Variants in GAREM1 observed in about 807,000 individuals in gnomAD.
GAREM1 encodes GRB2-associated and regulator of MAPK protein 1.
GAREM1 carries 26 observed loss-of-function variants against 71.3 expected under a neutral mutation model. The ratio of observed to expected loss-of-function variants is 0.36; its 90% confidence interval spans 0.27 to 0.51. GAREM1 has a LOEUF of 0.51. Ranked by LOEUF, GAREM1 falls within the 20% of genes least tolerant of loss-of-function variation. The pLI, the probability that GAREM1 is intolerant of heterozygous loss-of-function variation, is 0.95. For synonymous variants in GAREM1, 440 were observed against 433.2 expected (o/e 1.02, Z -0.20); for missense variants, 1,026 against 1,103.1 (o/e 0.93, Z 0.99).
intron 1 of GAREM1, among the ~76,000 whole-genome samples, chr18:32,427,091 CGTT>C (rs1212023914): frequency 6.6e-6 from 1 of 152,056 alleles, no homozygotes. Flanking sequence ...GTTTTACTCT[CGTT>C]GTCCCAACTT....
chr18:32,392,971 G>C lies in GAREM1; in HGVS notation c.186C>G (p.Thr62=). The C allele has an allele frequency of 1.2e-6, 2 of 1,613,768 alleles. No homozygotes were observed. The highest frequency in any genetic ancestry group is 1.7e-6 in the Non-Finnish European group (2 of 1,179,816). Residue 62 remains threonine (T), a synonymous_variant, in exon 2 of 6, where the codon ACC becomes ACG. Coordinates refer to ENST00000269209, the MANE Select transcript of GAREM1 (RefSeq NM_001242409.2). ...CCTCCAAGCTGTGGGCAGTGATGGT[G>C]GTCCACTGGCGGCAGGAATGAATCA... ...YLLIHSCRQW[T]TITAHSLEEG...
In GAREM1 at chr18:32,409,879, A is replaced by G. The variant is rs564496436; in HGVS notation, c.122-16844T>C. Among the ~76,000 whole-genome samples, 6 of 152,300 alleles carry G rather than the reference A, an allele frequency of 3.9e-5. No homozygotes were observed. The East Asian group carries it at 1.2e-3, about 29-fold the overall frequency. On this transcript the variant is annotated intron_variant, in intron 1 of 5. Coordinates refer to ENST00000269209, the MANE Select transcript of GAREM1 (RefSeq NM_001242409.2). ...TCCAACAAAAGGCCTGACATATACC[A>G]TGGAATATTTCAGGCAGGCAGGTGA...
chr18:32,411,780 T>C (rs1450190360), intron 1 of GAREM1, among the ~76,000 whole-genome samples: 2 of 151,936 alleles, frequency 1.3e-5, no homozygotes, highest in Admixed American at 6.6e-5. Flanking sequence ...AAATTCCAAA[T>C]AGAACCTGGC....
intron 2 of GAREM1, among the ~76,000 whole-genome samples, chr18:32,369,487 G>A (rs538279414): frequency 1.3e-5 from 2 of 152,228 alleles, no homozygotes; most frequent in Admixed American, 1.3e-4. Flanking sequence ...GGAGATGGGT[G>A]GAGGGAGGGA....
chr18:32,360,660 T>C (rs1158533827), intron 2 of GAREM1, among the ~76,000 whole-genome samples: 2 of 152,164 alleles, frequency 1.3e-5, no homozygotes, highest in African/African-American at 4.8e-5. Flanking sequence ...TTTGGGGGTT[T>C]TGACTTTCAC....
intron 3 of GAREM1, among the ~76,000 whole-genome samples, chr18:32,304,806 G>C (rs1017688064): frequency 1.3e-5 from 2 of 152,188 alleles, no homozygotes; most frequent in African/African-American, 4.8e-5. Context: ...CCTGAGTTCA[G>C]AGCCTGAGCC....
intron 1 of GAREM1, among the ~76,000 whole-genome samples, chr18:32,430,238 ACT>A (rs2048610914): frequency 6.6e-6 from 1 of 152,092 alleles, no homozygotes; most frequent in Non-Finnish European, 1.5e-5. Context: ...CCTTTAGAAC[ACT>A]CTCTTACCAA....
chr18:32,283,876 C>T (rs2046980660), intron 4 of GAREM1, among the ~76,000 whole-genome samples: 1 of 152,090 alleles, frequency 6.6e-6, no homozygotes, highest in Non-Finnish European at 1.5e-5. Context: ...TGCCATGGCA[C>T]CTTCTATTTC....
In GAREM1 at chr18:32,264,827, T is replaced by G. The variant is rs1482770390; in HGVS notation, c.*3044A>C. On this transcript the variant is annotated 3_prime_UTR_variant, in exon 6 of 6. Transcript: ENST00000269209. ...TTAGTTGCTTGGCTTGGTTTATTGC[T>G]GATTTTCTTTTCTGATGGGGGCCAT... is the stretch of plus-strand genomic sequence containing the variant. 6.6e-6 allele frequency: 1 copy of G among 152,262 alleles called. No homozygotes were observed. Among genetic ancestry groups the G allele is most frequent in the African/African-American group, 2.4e-5 (1 of 41,468 alleles). 9.4% of individuals were successfully genotyped at this position (152,262 alleles called of 1,614,324 possible). A position where few individuals can be genotyped will look rare whatever the true frequency, so the allele number is the denominator to read the frequency against.
chr18:32,356,620 T>C (rs2047808860), intron 2 of GAREM1, among the ~76,000 whole-genome samples: 1 of 152,194 alleles, frequency 6.6e-6, no homozygotes, highest in Non-Finnish European at 1.5e-5. Context: ...TCAGATACTG[T>C]ACAAGTGTCT....
intron 1 of GAREM1, among the ~76,000 whole-genome samples, chr18:32,469,427 G>A (rs1349925615): frequency 6.6e-6 from 1 of 152,178 alleles, no homozygotes; most frequent in Admixed American, 6.5e-5. Flanking sequence ...TGACGCCAAA[G>A]CCCACTGAAG....
intron 2 of GAREM1, among the ~76,000 whole-genome samples, chr18:32,374,931 A>G (rs763508440): frequency 3.3e-5 from 5 of 152,180 alleles, no homozygotes; most frequent in Non-Finnish European, 7.4e-5. Context: ...TTTAGAAGAA[A>G]AGGCCCTTTC....
intron 1 of GAREM1, among the ~76,000 whole-genome samples, chr18:32,450,559 T>C (rs10502600): frequency 0.094 from 14,274 of 152,230 alleles, 805 homozygotes; most frequent in African/African-American, 0.16. Flanking sequence ...GACCATTACA[T>C]TGAAATTTCC....
intron 3 of GAREM1, among the ~76,000 whole-genome samples, chr18:32,306,527 G>A: frequency 6.6e-6 from 1 of 151,874 alleles, no homozygotes; most frequent in Admixed American, 6.6e-5. Flanking sequence ...TCAAAACTGT[G>A]TACAGACACT....
chr18:32,381,958 A>G (rs1048625413), intron 2 of GAREM1, among the ~76,000 whole-genome samples: 4 of 152,144 alleles, frequency 2.6e-5, no homozygotes, highest in African/African-American at 9.7e-5. Flanking sequence ...CAACAATTCC[A>G]TGGCATTTTG....
At chr18:32,340,605 A>G (rs917677046) in intron 2 of GAREM1, among the ~76,000 whole-genome samples, 3 of 152,142 alleles carry the variant, frequency 2.0e-5, no homozygotes, top group African/African-American at 7.2e-5. Flanking sequence ...TTCCTTTAAA[A>G]TTTTCTCTTA....
At chr18:32,439,888 T>A (rs963766749) in intron 1 of GAREM1, among the ~76,000 whole-genome samples, 1 of 151,824 alleles carries the variant, frequency 6.6e-6, no homozygotes, top group Non-Finnish European at 1.5e-5. Flanking sequence ...ACAGTTCTAG[T>A]GAATGAAGGT....
At chr18:32,315,087 T>C (rs760413426) in intron 2 of GAREM1, among the ~76,000 whole-genome samples, 10 of 152,074 alleles carry the variant, frequency 6.6e-5, no homozygotes, top group African/African-American at 1.9e-4. Context: ...CAAACACTCA[T>C]TGAGTAGTCT....
At chr18:32,299,600 C>G (rs200877321) in intron 3 of GAREM1, among the ~76,000 whole-genome samples, 2 of 149,946 alleles carry the variant, frequency 1.3e-5, no homozygotes, top group East Asian at 4.0e-4. Flanking sequence ...TGACAAAATT[C>G]AGGTTGCATA....
Sources: gnomAD v4.1 joint callset for allele counts (sites outside exome capture counted in the v4.1 genomes callset) on GRCh38, gnomAD v4.1.1 for gene constraint, MANE v1.5 for transcripts, NCBI Gene and HGNC (gene_info 2026-07-23, HGNC 2026-07-21) for gene names.